DNAH11: variants seen among roughly 807,000 people sequenced by gnomAD.
The protein encoded by DNAH11 is dynein axonemal heavy chain 11.
DNAH11 carries 442 observed loss-of-function variants against 526.0 expected under a neutral mutation model. The observed-to-expected ratio is 0.84, with a 90% CI of 0.78 to 0.91. DNAH11 has a LOEUF of 0.91. DNAH11 is among the 40% of genes least tolerant of loss of function. The pLI is 0.00. For synonymous variants in DNAH11, 2,461 were observed against 1,935.9 expected (o/e 1.27, Z -7.12); for missense variants, 6,989 against 5,448.7 (o/e 1.28, Z -8.90).
intron 27 of DNAH11, 89 bp from the exon 28 acceptor site, chr7:21,638,850 A>G (rs1341134671): frequency 1.9e-5 from 28 of 1,445,914 alleles, no homozygotes; most frequent in Non-Finnish European, 2.6e-5. Context: ...ACTATAATGA[A>G]TGGACATAGA....
chr7:21,728,951 C>T lies in DNAH11; in HGVS notation c.7440+2967C>T, dbSNP rs557009556. Among the ~76,000 whole-genome samples, 6 of 152,374 alleles carry T rather than the reference C, an allele frequency of 3.9e-5. No individual in the cohort carries two copies. In the South Asian group the frequency reaches 8.3e-4, roughly 21 times the overall value. ...GGCCCTGCCTCTGGACACACTAAGG[C>T]GGCAGTATTGCCCTTGGGGGCAGCA... On this transcript the variant is annotated intron_variant, in intron 45 of 81. Coordinates refer to ENST00000409508, the MANE Select transcript of DNAH11 (RefSeq NM_001277115.2).
At chr7:21,765,402 T>A (rs755912951) in intron 54 of DNAH11, 26 bp from the exon 55 acceptor site, 1 of 1,613,342 alleles carries the variant, frequency 6.2e-7, no homozygotes, top group Admixed American at 1.7e-5. Flanking sequence ...CCCGCCTGTT[T>A]CTGCCTTGCC....
rs1284870382 is a variant in DNAH11, at chr7:21,866,497, G to T, written c.11524G>T (p.Gly3842Cys). ...AATTGCCGTCATGGAAGAATTTCGA[G>T]GCATAGACCGAGATGTGGAAGGATC... ...KAIAVMEEFRGIDRDVEGSAK... is the reference protein window; with the variant it reads ...KAIAVMEEFRCIDRDVEGSAK... The change falls in exon 71 of 82, where the codon GGC (glycine) becomes TGC (cysteine). Residue 3842 changes from glycine (G) to cysteine (C), a missense_variant. Coordinates refer to ENST00000409508, the MANE Select transcript of DNAH11 (RefSeq NM_001277115.2). The T allele has an allele frequency of 1.2e-6, 2 of 1,612,564 alleles. No individual in the cohort carries two copies. Among genetic ancestry groups the T allele is most frequent in the South Asian group, 1.1e-5 (1 of 90,816 alleles).
intron 30 of DNAH11, among the ~76,000 whole-genome samples, chr7:21,662,498 G>A (rs776824801): frequency 6.6e-6 from 1 of 151,902 alleles, no homozygotes; most frequent in Non-Finnish European, 1.5e-5. Context: ...TTAATTGAAA[G>A]GTAAATACTG....
At chr7:21,599,542 G>A (rs1318867916) in intron 14 of DNAH11, among the ~76,000 whole-genome samples, 1 of 152,188 alleles carries the variant, frequency 6.6e-6, no homozygotes, top group Non-Finnish European at 1.5e-5. Context: ...TCTGAAGATA[G>A]CAATCTTTGT....
rs534565560 is a variant in DNAH11 at position 21,572,935 on chromosome 7, G to A, written c.1593+962G>A. Among the ~76,000 whole-genome samples, 237 of 152,294 alleles carry A rather than the reference G, an allele frequency of 1.6e-3. No individual in the cohort carries two copies. In the Middle Eastern group the frequency reaches 0.02, roughly 13 times the overall value. Reference sequence around the variant, plus strand: ...AAGCCTTGTAAGATGCCTGGCACTTGGAAGGCATTCAATAAATACGTACAG... The same window carrying A: ...AAGCCTTGTAAGATGCCTGGCACTTAGAAGGCATTCAATAAATACGTACAG... On this transcript the variant is annotated intron_variant, in intron 8 of 81. Transcript: ENST00000409508.
intron 65 of DNAH11, among the ~76,000 whole-genome samples, chr7:21,836,678 T>C (rs1047559299): frequency 2.6e-5 from 4 of 151,970 alleles, no homozygotes; most frequent in African/African-American, 9.7e-5. Context: ...ATAACATTGG[T>C]CTGGACAAAG....
rs751008165 is a variant in DNAH11 at position 21,582,003 on chromosome 7, C to T, written c.1692C>T (p.Gly564=). ...IICEAFFNCN[G]LEAAFKLLTI... ...GTGAAGCTTTCTTTAACTGCAATGG[C>T]TTAGAAGCTGCATTTAAGGTTAGTT... is the stretch of plus-strand genomic sequence containing the variant. Residue 564 remains glycine, a synonymous_variant, in exon 9 of 82, where the codon GGC becomes GGT. Coordinates refer to ENST00000409508, the MANE Select transcript of DNAH11 (RefSeq NM_001277115.2). The T allele has an allele frequency of 1.2e-6, 2 of 1,610,386 alleles. No homozygotes were observed. Among genetic ancestry groups the T allele is most frequent in the Non-Finnish European group, 1.7e-6 (2 of 1,176,946 alleles).
In DNAH11 at chr7:21,687,098, GGT is replaced by G. The variant is rs1256013873; in HGVS notation, c.5624_5625del (p.Cys1875LeufsTer58). ...ATGTTTGTGTTTTCTATTGCTTAAA[GGT>G]GTTATATTACCTTAACTCAATCACT... On this transcript the variant is annotated frameshift_variant and splice_region_variant, in exon 33 of 82. Transcript: ENST00000409508. LOFTEE classifies it high-confidence loss of function. 6.2e-7 allele frequency: 1 copy of G among 1,611,124 alleles called. No individual in the cohort carries two copies. Among genetic ancestry groups the G allele is most frequent in the South Asian group, 1.1e-5 (1 of 90,272 alleles).
intron 73 of DNAH11, among the ~76,000 whole-genome samples, chr7:21,869,881 T>A (rs1395937246): frequency 6.6e-6 from 1 of 152,104 alleles, no homozygotes; most frequent in Non-Finnish European, 1.5e-5. Flanking sequence ...CTTGGCTGAG[T>A]ATTACAAGAA....
intron 54 of DNAH11, among the ~76,000 whole-genome samples, chr7:21,753,214 G>T (rs1177518502): frequency 2.0e-5 from 3 of 152,092 alleles, no homozygotes; most frequent in African/African-American, 7.2e-5. Flanking sequence ...GTATGTTCAT[G>T]TTCCAGGCAG....
At chr7:21,626,497 A>T (rs1282383908) in intron 25 of DNAH11, among the ~76,000 whole-genome samples, 1 of 151,978 alleles carries the variant, frequency 6.6e-6, no homozygotes, top group African/African-American at 2.4e-5. Context: ...GCTGGATTAC[A>T]TTTTTCGTTC....
chr7:21,837,739 T>A (rs996901720), intron 65 of DNAH11, among the ~76,000 whole-genome samples: 1 of 152,164 alleles, frequency 6.6e-6, no homozygotes, highest in Non-Finnish European at 1.5e-5. Flanking sequence ...TGGTTTTTAG[T>A]TAGGAGGAAT....
At chr7:21,854,871 C>G (rs1782776532) in intron 68 of DNAH11, among the ~76,000 whole-genome samples, 1 of 151,796 alleles carries the variant, frequency 6.6e-6, no homozygotes, top group Non-Finnish European at 1.5e-5. Flanking sequence ...ATCGGTGTAC[C>G]CAGTAAGGAG....
At chr7:21,861,752 C>G (rs1187497278) in intron 68 of DNAH11, 101 bp from the exon 69 acceptor site, 4 of 1,438,508 alleles carry the variant, frequency 2.8e-6, no homozygotes, top group African/African-American at 2.9e-5. Context: ...CTCATTCTCA[C>G]TCCCTATAGA....
chr7:21,585,420 T>C (rs1267197500), intron 9 of DNAH11, among the ~76,000 whole-genome samples: 2 of 152,082 alleles, frequency 1.3e-5, no homozygotes, highest in African/African-American at 4.8e-5. Flanking sequence ...TTACTGTTGG[T>C]CCCTGGGAAA....
chr7:21,627,316 G>A (rs1314765287), intron 25 of DNAH11, among the ~76,000 whole-genome samples: 2 of 152,048 alleles, frequency 1.3e-5, no homozygotes, highest in African/African-American at 2.4e-5. Flanking sequence ...GTTGCCTGGG[G>A]TTTTGAAGTC....
chr7:21,560,868 A>C (rs6966926), intron 4 of DNAH11, among the ~76,000 whole-genome samples: 3 of 152,192 alleles, frequency 2.0e-5, no homozygotes. Context: ...AAATTTAAAA[A>C]CCTAAATGCA....
chr7:21,858,015 A>C (rs1193595530), intron 68 of DNAH11, among the ~76,000 whole-genome samples: 1 of 152,186 alleles, frequency 6.6e-6, no homozygotes, highest in Non-Finnish European at 1.5e-5. Context: ...AATATTCTCA[A>C]TACATATATA....
Sources: allele counts gnomAD v4.1 joint callset (sites outside exome capture counted in the v4.1 genomes callset), GRCh38; gene constraint gnomAD v4.1.1; transcripts MANE v1.5; gene names NCBI Gene and HGNC (gene_info 2026-07-23, HGNC 2026-07-21).